MIPEP: variants seen among roughly 807,000 people sequenced by gnomAD.
MIPEP encodes mitochondrial intermediate peptidase.
Under a neutral mutation model 90.3 loss-of-function variants are expected in MIPEP, and 79 were observed. That is an observed-to-expected ratio of 0.87 (90% CI 0.73 to 1.05). The LOEUF is 1.05. MIPEP is among the 50% of genes least tolerant of loss of function. The pLI is 0.00. For synonymous variants in MIPEP, 334 were observed against 315.8 expected, an observed-to-expected ratio of 1.06 and a Z score of -0.61; for missense variants, 940 against 905.6, an observed-to-expected ratio of 1.04 and a Z score of -0.49.
At chr13:23,758,790 C>T (rs1052930693) in intron 17 of MIPEP, among the ~76,000 whole-genome samples, 2 of 152,138 alleles carry the variant, frequency 1.3e-5, no homozygotes, top group Non-Finnish European at 2.9e-5. Context: ...AAGTCTAAGT[C>T]AAATTGTATG....
chr13:23,883,888 G>A (rs1489193974), intron 2 of MIPEP, among the ~76,000 whole-genome samples: 1 of 152,072 alleles, frequency 6.6e-6, no homozygotes, highest in Non-Finnish European at 1.5e-5. Flanking sequence ...CATACTGGAG[G>A]CACAGAACAA....
Position 23,806,733 on chromosome 13 carries a change from T to TATCTATCTATC in MIPEP, c.1729-675_1729-665dup, listed in dbSNP as rs1290324230. Among the ~76,000 whole-genome samples the TATCTATCTATC allele has an allele frequency of 1.5e-3, 222 of 148,680 alleles. 2 individuals carry two copies. The highest frequency in any genetic ancestry group is 6.8e-3 in the Middle Eastern group (2 of 294). Reference sequence around the variant, plus strand: ...AAAAATCTATATCTATCTATCTATCTATCTATCTATCTATCTATCTATCTA... The same window carrying TATCTATCTATC: ...AAAAATCTATATCTATCTATCTATCTATCTATCTATCATCTATCTATCTATCTATCTATCTA... On this transcript the variant is annotated intron_variant, in intron 15 of 18. Transcript: ENST00000382172.
intron 14 of MIPEP, among the ~76,000 whole-genome samples, chr13:23,834,892 A>C (rs937173274): frequency 2.0e-5 from 3 of 152,206 alleles, no homozygotes; most frequent in African/African-American, 7.2e-5. Flanking sequence ...AAGTCTACAT[A>C]ATTCCCAGAA....
rs1309502060 is a variant in MIPEP, at chr13:23,888,521, T to TGA, written c.189+609_189+610dup. On this transcript the variant is annotated intron_variant, in intron 1 of 18. Transcript: ENST00000382172. Reference sequence around the variant, plus strand: ...CCTTTCACTAGACAACGCAGGCTAGTGACTTCCTGGGGTAAGAAATCAAAG... The same window carrying TGA: ...CCTTTCACTAGACAACGCAGGCTAGTGAGACTTCCTGGGGTAAGAAATCAAAG... Among the ~76,000 whole-genome samples the TGA allele has an allele frequency of 3.3e-5, 5 of 152,302 alleles. No individual in the cohort carries two copies. In the South Asian group the frequency reaches 1.0e-3, roughly 32 times the overall value.
At chr13:23,835,913 T>C (rs1869018622) in intron 14 of MIPEP, among the ~76,000 whole-genome samples, 1 of 152,198 alleles carries the variant, frequency 6.6e-6, no homozygotes, top group South Asian at 2.1e-4. Context: ...CAGGCTCGAA[T>C]GCCTATTCTA....
chr13:23,780,104 T>C (rs1018229327), intron 16 of MIPEP, among the ~76,000 whole-genome samples: 1 of 152,054 alleles, frequency 6.6e-6, no homozygotes, highest in African/African-American at 2.4e-5. Context: ...TTGAAGAGAG[T>C]AGTGGTTCTC....
chr13:23,796,276 G>C (rs1000490667), intron 16 of MIPEP, among the ~76,000 whole-genome samples: 3 of 152,128 alleles, frequency 2.0e-5, no homozygotes, highest in African/African-American at 7.2e-5. Context: ...AAAATTATCA[G>C]GGCGGTGGTG....
Position 23,869,849 on chromosome 13 carries a change from T to C in MIPEP, c.786+164A>G, listed in dbSNP as rs11616760. On this transcript the variant is annotated intron_variant, in intron 6 of 18. Coordinates refer to ENST00000382172, the MANE Select transcript of MIPEP (RefSeq NM_005932.4). The stretch of plus-strand genomic sequence containing the variant: ...ATAAGTAATTAAATCATTTTCATTC[T>C]TTAAAGTGTTTATGGCATTAATAAT... Among the ~76,000 whole-genome samples, 20,142 of 152,272 alleles carry C rather than the reference T, an allele frequency of 0.13. 1,444 individuals carry two copies. Among genetic ancestry groups the C allele is most frequent in the African/African-American group, 0.17 (6,867 of 41,530 alleles).
chr13:23,762,042 T>C (rs1304121706), intron 16 of MIPEP, among the ~76,000 whole-genome samples: 1 of 152,078 alleles, frequency 6.6e-6, no homozygotes, highest in Non-Finnish European at 1.5e-5. Context: ...GGAGAACTGC[T>C]TGAACCCGGG....
intron 16 of MIPEP, among the ~76,000 whole-genome samples, chr13:23,783,705 T>C (rs1952806840): frequency 6.6e-6 from 1 of 152,188 alleles, no homozygotes; most frequent in African/African-American, 2.4e-5. Context: ...GAAAACCCCA[T>C]TGTCTTAGTC....
At chr13:23,833,555 T>C (rs867142187) in intron 14 of MIPEP, among the ~76,000 whole-genome samples, 1 of 152,210 alleles carries the variant, frequency 6.6e-6, no homozygotes, top group African/African-American at 2.4e-5. Context: ...ATACATCTTC[T>C]TACAGAATAA....
At chr13:23,784,218 T>C (rs1952811498) in intron 16 of MIPEP, among the ~76,000 whole-genome samples, 1 of 152,136 alleles carries the variant, frequency 6.6e-6, no homozygotes, top group African/African-American at 2.4e-5. Flanking sequence ...GGAGGCATCA[T>C]GCTACCTGAC....
intron 14 of MIPEP, among the ~76,000 whole-genome samples, chr13:23,818,422 T>C (rs968625873): frequency 2.0e-5 from 3 of 149,886 alleles, no homozygotes; most frequent in African/African-American, 7.5e-5. Flanking sequence ...CGAGACTCTG[T>C]CTCAAAAATT....
rs1952203861 is a variant in MIPEP, at chr13:23,731,475, GCATAC to G, written c.2045-1035_2045-1031del. Among the ~76,000 whole-genome samples the G allele has an allele frequency of 2.6e-5, 4 of 152,208 alleles. No individual in the cohort carries two copies. In the South Asian group the frequency reaches 8.3e-4, roughly 32 times the overall value. On this transcript the variant is annotated intron_variant, in intron 18 of 18. Coordinates refer to ENST00000382172, the MANE Select transcript of MIPEP (RefSeq NM_005932.4). ...CAGAAAACTAGCCTTGACTCCTACT[GCATAC>G]CATACATAAAAACTAATTTGAGATG...
At chr13:23,858,802 G>T in intron 10 of MIPEP, 58 bp downstream of exon 10, 1 of 1,473,262 alleles carries the variant, frequency 6.8e-7, no homozygotes, top group Non-Finnish European at 9.5e-7. Context: ...AGTAGCTGCT[G>T]AATAAACATT....
At chr13:23,759,679 C>A (rs140291613) in intron 17 of MIPEP, among the ~76,000 whole-genome samples, 1 of 152,138 alleles carries the variant, frequency 6.6e-6, no homozygotes, top group African/African-American at 2.4e-5. Flanking sequence ...TACTTCCTCC[C>A]GACAATGCTC....
chr13:23,836,079 C>A (rs1869027419), intron 14 of MIPEP, among the ~76,000 whole-genome samples, 161 bp downstream of exon 14: 1 of 151,746 alleles, frequency 6.6e-6, no homozygotes, highest in South Asian at 2.1e-4. Context: ...AATAGACTGG[C>A]AAAAGAAAAG....
At chr13:23,886,039 T>C (rs1031171088) in intron 2 of MIPEP, among the ~76,000 whole-genome samples, 3 of 151,900 alleles carry the variant, frequency 2.0e-5, no homozygotes, top group Admixed American at 2.0e-4. Flanking sequence ...TAAATATATA[T>C]TACCCAAATA....
intron 14 of MIPEP, among the ~76,000 whole-genome samples, chr13:23,811,273 G>A (rs189003413): frequency 9.3e-4 from 142 of 152,288 alleles, no homozygotes; most frequent in African/African-American, 3.1e-3. Context: ...AAGTATATGT[G>A]GAAGAATGAC....
Sources: allele counts gnomAD v4.1 joint callset (sites outside exome capture counted in the v4.1 genomes callset), GRCh38; gene constraint gnomAD v4.1.1; transcripts MANE v1.5; gene names NCBI Gene and HGNC (gene_info 2026-07-23, HGNC 2026-07-21).